The following ADARB2 variants were observed in gnomAD, a reference collection of about 807,000 sequenced individuals.
ADARB2 encodes adenosine deaminase RNA specific B2 (inactive).
A neutral mutation model predicts 62.2 loss-of-function variants in ADARB2; 25 were observed. The observed-to-expected ratio is 0.40, with a 90% confidence interval of 0.29 to 0.56. ADARB2 has a LOEUF of 0.56. ADARB2 is among the 20% of genes least tolerant of loss of function. The pLI, the probability that ADARB2 is intolerant of heterozygous loss-of-function variation, is 0.43. For synonymous variants in ADARB2, 572 were observed against 500.8 expected (o/e 1.14, Z -1.90); for missense variants, 1,071 against 1,077.4 (o/e 0.99, Z 0.08).
chr10:1,619,993 T>G (rs1402282731), intron 1 of ADARB2, among the ~76,000 whole-genome samples: 1 of 151,936 alleles, frequency 6.6e-6, no homozygotes, highest in Admixed American at 6.6e-5. Context: ...AGAAAAAAAT[T>G]TAACTGCACT....
At chr10:1,213,384 A>G (rs1354374698) in intron 7 of ADARB2, among the ~76,000 whole-genome samples, 1 of 152,078 alleles carries the variant, frequency 6.6e-6, no homozygotes, top group Non-Finnish European at 1.5e-5. Flanking sequence ...GACAAGGGGA[A>G]GCCAAGTCTA....
At position 1,477,722 on chromosome 10, in the gene ADARB2, G is replaced by A. The variant is rs546297140; in HGVS notation, c.101-98562C>T. 1.4e-4 allele frequency among the ~76,000 whole-genome samples: 21 copies of A among 152,342 alleles called. No individual in the cohort carries two copies. The highest frequency in any genetic ancestry group is 5.9e-4 in the Admixed American group (9 of 15,310). ...GCGGGGTGCTTAATTTTCAGAGAATGCCTTCGTGACTATTTCCCTTAGACA... is the reference window on the plus strand; with the variant it reads ...GCGGGGTGCTTAATTTTCAGAGAATACCTTCGTGACTATTTCCCTTAGACA... On this transcript the variant is annotated intron_variant, in intron 1 of 9. Coordinates refer to ENST00000381312, the MANE Select transcript of ADARB2 (RefSeq NM_018702.4). The surrounding 1 kb of genome is among the most constrained non-coding windows in gnomAD (Gnocchi z 4.5).
intron 1 of ADARB2, among the ~76,000 whole-genome samples, chr10:1,388,539 C>T (rs754241717): frequency 1.3e-5 from 2 of 151,792 alleles, no homozygotes; most frequent in Admixed American, 6.6e-5. Context: ...GACAGAACTC[C>T]AATACACAAA....
intron 3 of ADARB2, among the ~76,000 whole-genome samples, chr10:1,302,963 C>T (rs1831589220): frequency 6.6e-6 from 1 of 152,186 alleles, no homozygotes; most frequent in South Asian, 2.1e-4. Flanking sequence ...CTCTAAAAAT[C>T]AGAGCGCCTC....
intron 3 of ADARB2, among the ~76,000 whole-genome samples, chr10:1,295,885 G>T (rs1211197263): frequency 2.6e-5 from 4 of 152,208 alleles, no homozygotes; most frequent in Non-Finnish European, 5.9e-5. Context: ...GTGTGGTGCA[G>T]CAGTAAGCTC....
chr10:1,471,193 C>G (rs17156362), intron 1 of ADARB2, among the ~76,000 whole-genome samples: 13,756 of 152,200 alleles, frequency 0.09, 829 homozygotes, highest in East Asian at 0.31. Flanking sequence ...GATTTCATTC[C>G]GCAGAACACT....
At chr10:1,655,668 G>A (rs769190876) in intron 1 of ADARB2, among the ~76,000 whole-genome samples, 20 of 151,202 alleles carry the variant, frequency 1.3e-4, no homozygotes, top group Non-Finnish European at 2.4e-4. Context: ...AGAAAAAGTG[G>A]AATTAAAAAA....
intron 2 of ADARB2, among the ~76,000 whole-genome samples, chr10:1,375,701 C>A (rs1388818947): frequency 1.3e-5 from 2 of 152,238 alleles, no homozygotes; most frequent in Non-Finnish European, 2.9e-5. Context: ...CTACCACCCA[C>A]CCTTGCTCCT....
chr10:1,404,006 C>A (rs1832686093), intron 1 of ADARB2, among the ~76,000 whole-genome samples: 1 of 152,206 alleles, frequency 6.6e-6, no homozygotes, highest in Non-Finnish European at 1.5e-5. Flanking sequence ...ACCAGCCACC[C>A]CCCATCCACT....
intron 3 of ADARB2, among the ~76,000 whole-genome samples, chr10:1,347,630 C>T (rs1013648220): frequency 6.6e-6 from 1 of 152,198 alleles, no homozygotes; most frequent in Non-Finnish European, 1.5e-5. Flanking sequence ...CACCTCAGCT[C>T]TTCACGCCCA....
chr10:1,615,774 C>A (rs1386596231), intron 1 of ADARB2, among the ~76,000 whole-genome samples: 1 of 152,248 alleles, frequency 6.6e-6, no homozygotes, highest in African/African-American at 2.4e-5. Flanking sequence ...CCAGTGTTGA[C>A]ACCACTTGGC....
At chr10:1,480,146 C>T (rs1020538997) in intron 1 of ADARB2, among the ~76,000 whole-genome samples, 2 of 151,974 alleles carry the variant, frequency 1.3e-5, no homozygotes, top group Non-Finnish European at 2.9e-5. Flanking sequence ...GAGAAAGATA[C>T]TTTACCACTT....
chr10:1,240,203 CCTCCCTCCCGGTGTTTACTCCCCT>C (rs1830898375), intron 5 of ADARB2, among the ~76,000 whole-genome samples: 2 of 2,912 alleles, frequency 6.9e-4, no homozygotes, highest in South Asian at 0.01. Flanking sequence ...TTTACTCCCC[CCTCCCTCCCGGTGTTTACTCCCCT>C]CTGCCTCCCG....
At chr10:1,633,552 C>CTATCTATCTATCTATCTA (rs1833870700) in intron 1 of ADARB2, among the ~76,000 whole-genome samples, 6 of 59,192 alleles carry the variant, frequency 1.0e-4, no homozygotes, top group African/African-American at 3.6e-4. Context: ...TATCTATCAT[C>CTATCTATCTATCTATCTA]TATCTATCTA....
chr10:1,655,314 G>A (rs1834160474), intron 1 of ADARB2, among the ~76,000 whole-genome samples: 1 of 152,208 alleles, frequency 6.6e-6, no homozygotes, highest in Non-Finnish European at 1.5e-5. Flanking sequence ...ACACCCCAGG[G>A]TCTAAGGGGA....
chr10:1,420,445 C>T (rs1832842139), intron 1 of ADARB2, among the ~76,000 whole-genome samples: 1 of 152,112 alleles, frequency 6.6e-6, no homozygotes, highest in Non-Finnish European at 1.5e-5. Flanking sequence ...ATTGAGACAG[C>T]ACATTCACAT....
chr10:1,192,266 G>T lies in ADARB2; in HGVS notation c.1865-7227C>A, dbSNP rs541593860. Among the ~76,000 whole-genome samples, 33 of 152,294 alleles carry T rather than the reference G, an allele frequency of 2.2e-4. No individual in the cohort carries two copies. The South Asian group carries it at 5.6e-3, about 26-fold the overall frequency. On this transcript the variant is annotated intron_variant, in intron 8 of 9. Coordinates refer to ENST00000381312, the MANE Select transcript of ADARB2 (RefSeq NM_018702.4). ...ACTGGGTAGCACTGCATTTAATTTTGCAGAGTGAATGAAATAGCATGGCAT... is the reference window on the plus strand; with the variant it reads ...ACTGGGTAGCACTGCATTTAATTTTTCAGAGTGAATGAAATAGCATGGCAT...
chr10:1,245,084 G>C (rs939904745), intron 4 of ADARB2, among the ~76,000 whole-genome samples: 2 of 152,144 alleles, frequency 1.3e-5, no homozygotes, highest in Admixed American at 6.5e-5. Flanking sequence ...GGTTGCACAG[G>C]AGGAGAGAAG....
intron 4 of ADARB2, among the ~76,000 whole-genome samples, chr10:1,263,135 G>C (rs937097665): frequency 1.7e-5 from 2 of 119,582 alleles, no homozygotes; most frequent in Admixed American, 1.0e-4. Flanking sequence ...CTGTTGTGGG[G>C]TGGGGGGAGG....
Sources: allele counts gnomAD v4.1 joint callset (sites outside exome capture counted in the v4.1 genomes callset), GRCh38; gene constraint gnomAD v4.1.1; non-coding constraint Gnocchi (gnomAD v3.1); transcripts MANE v1.5; gene names NCBI Gene and HGNC (gene_info 2026-07-23, HGNC 2026-07-21).